The following C10orf143 variants were observed in gnomAD, a reference collection of about 807,000 sequenced individuals.
C10orf143 encodes the protein uncharacterized protein C10orf143.
intron 1 of C10orf143, among the ~76,000 whole-genome samples, chr10:130,087,412 A>G (rs549811850): frequency 1.3e-5 from 2 of 152,360 alleles, no homozygotes; most frequent in South Asian, 4.1e-4. Context: ...AGATCAAGTG[A>G]CCAGCATCCT....
rs955481476 is a variant in C10orf143, at chr10:130,048,676, C to T, written c.298-12706G>A. Among the ~76,000 whole-genome samples the T allele has an allele frequency of 1.4e-4, 22 of 152,172 alleles. No individual in the cohort carries two copies. The South Asian group carries it at 2.7e-3, about 19-fold the overall frequency. Reference sequence around the variant, plus strand: ...GTGCACCAAGTCTTCCTGTAGACCACGCAATGCAGAGGAAGCCATGAGCTT... The same window carrying T: ...GTGCACCAAGTCTTCCTGTAGACCATGCAATGCAGAGGAAGCCATGAGCTT... On this transcript the variant is annotated intron_variant and NMD_transcript_variant, in intron 3 of 5. Coordinates refer to the C10orf143 transcript ENST00000643056.
At chr10:130,050,899 A>G (rs928505750) in intron 3 of C10orf143, among the ~76,000 whole-genome samples, 1 of 152,156 alleles carries the variant, frequency 6.6e-6, no homozygotes, top group African/African-American at 2.4e-5. Context: ...CAGTGCCCCG[A>G]CTTCCTTGTC....
chr10:130,053,156 G>A (rs1294516177), intron 3 of C10orf143, among the ~76,000 whole-genome samples: 4 of 152,196 alleles, frequency 2.6e-5, no homozygotes, highest in Non-Finnish European at 5.9e-5. Flanking sequence ...CGACTCCAGG[G>A]TTCAGGCGAT....
At chr10:130,059,753 CAT>C (rs1860834404), downstream of C10orf143, among the ~76,000 whole-genome samples, 1 of 152,108 alleles carries the variant, frequency 6.6e-6, no homozygotes, top group African/African-American at 2.4e-5. Context: ...AAGATCCTTG[CAT>C]AGAGAGAGAT....
intron 3 of C10orf143, among the ~76,000 whole-genome samples, chr10:130,042,764 G>A (rs1395278352): frequency 6.6e-6 from 1 of 152,238 alleles, no homozygotes; most frequent in African/African-American, 2.4e-5. Flanking sequence ...GTGTGAGAAA[G>A]GTGGAAACTG....
downstream of C10orf143, among the ~76,000 whole-genome samples, chr10:130,061,429 T>C (rs1860856588): frequency 6.6e-6 from 1 of 152,228 alleles, no homozygotes; most frequent in Non-Finnish European, 1.5e-5. Context: ...GTTAACCACT[T>C]ACCATGCTTT....
At chr10:130,043,266 A>C (rs1240375837) in intron 3 of C10orf143, among the ~76,000 whole-genome samples, 1 of 152,220 alleles carries the variant, frequency 6.6e-6, no homozygotes, top group African/African-American at 2.4e-5. Context: ...GATCATCATT[A>C]CTTATAAACA....
chr10:130,041,195 C>T (rs1251890575), intron 3 of C10orf143, among the ~76,000 whole-genome samples: 1 of 152,236 alleles, frequency 6.6e-6, no homozygotes, highest in African/African-American at 2.4e-5. Context: ...AAGCAGCGAG[C>T]ACCTAAATAC....
At chr10:130,106,093 G>A in intron 1 of C10orf143, 1 of 621,852 alleles carries the variant, frequency 1.6e-6, no homozygotes. Flanking sequence ...GGCTGGTCCT[G>A]GGGGAGCCAC....
chr10:130,056,444 A>C lies in C10orf143; in HGVS notation c.298-20474T>G, dbSNP rs760590902. Among the ~76,000 whole-genome samples, 1 of 152,208 alleles carries C rather than the reference A, an allele frequency of 6.6e-6. No homozygotes were observed. Among genetic ancestry groups the C allele is most frequent in the Non-Finnish European group, 1.5e-5 (1 of 68,032 alleles). ...GTTCAGTGAATACCCCAGGACCTTC[A>C]TGTGGGTGACTGAGAACTCATACTT... On this transcript the variant is annotated intron_variant and NMD_transcript_variant, in intron 3 of 5. Coordinates refer to the C10orf143 transcript ENST00000643056. The surrounding 1 kb of genome is among the most constrained non-coding windows in gnomAD (Gnocchi z 4.6).
intron 3 of C10orf143, among the ~76,000 whole-genome samples, chr10:130,070,226 T>C (rs1363480511): frequency 1.3e-5 from 2 of 152,202 alleles, no homozygotes; most frequent in African/African-American, 4.8e-5. Flanking sequence ...GATCCTTCCA[T>C]TGTTACTGAT....
At chr10:130,082,690 C>A (rs575078065) in intron 1 of C10orf143, among the ~76,000 whole-genome samples, 5 of 152,126 alleles carry the variant, frequency 3.3e-5, no homozygotes, top group Non-Finnish European at 7.3e-5. Flanking sequence ...ACTTCTTTTT[C>A]TTTATAAATT....
intron 1 of C10orf143, among the ~76,000 whole-genome samples, chr10:130,108,811 TTAAA>T (rs1861709670): frequency 1.3e-5 from 2 of 152,334 alleles, no homozygotes; most frequent in African/African-American, 2.4e-5. Context: ...AACTTTATGC[TTAAA>T]TAAATTTTAG....
At chr10:130,092,898 G>A (rs1251085346) in intron 1 of C10orf143, among the ~76,000 whole-genome samples, 1 of 152,070 alleles carries the variant, frequency 6.6e-6, no homozygotes, top group East Asian at 1.9e-4. Context: ...CCCAATAGAG[G>A]AGCACCCAGA....
intron 3 of C10orf143, among the ~76,000 whole-genome samples, chr10:130,042,158 C>T (rs746185829): frequency 7.2e-5 from 11 of 152,234 alleles, no homozygotes; most frequent in African/African-American, 1.2e-4. Flanking sequence ...CTGTGGGCTT[C>T]ATGTGGGAAG....
intron 1 of C10orf143, chr10:130,107,240 A>G (rs559481794): frequency 7.9e-7 from 1 of 1,265,290 alleles, no homozygotes; most frequent in Admixed American, 1.7e-5. Context: ...CAGGAAATTA[A>G]CAGTAGAGGA....
In C10orf143 at chr10:130,090,044, A is replaced by G. The variant is rs527781719; in HGVS notation, c.70-10143T>C. The stretch of plus-strand genomic sequence containing the variant: ...ACCAAAAGAATGATCCCTAAAAGAA[A>G]CAAGTTGAAAATTTGGATTTCATCA... On this transcript the variant is annotated intron_variant, in intron 1 of 3. Coordinates refer to ENST00000637128, the MANE Select transcript of C10orf143 (RefSeq NM_001355042.2). Among the ~76,000 whole-genome samples, 3 of 152,354 alleles carry G rather than the reference A, an allele frequency of 2.0e-5. No homozygotes were observed. The South Asian group carries it at 6.2e-4, about 32-fold the overall frequency.
rs187371458 is a variant in C10orf143, at chr10:130,056,480, T to C, written c.298-20510A>G. 7.9e-5 allele frequency among the ~76,000 whole-genome samples: 12 copies of C among 152,266 alleles called. 1 individual carries two copies. Among genetic ancestry groups the C allele is most frequent in the African/African-American group, 2.6e-4 (11 of 41,548 alleles). On this transcript the variant is annotated intron_variant and NMD_transcript_variant, in intron 3 of 5. Transcript: ENST00000643056. This position sits in a 1 kb window ranked among gnomAD's most constrained non-coding sequence, Gnocchi z 4.6. ...TGAGAACTCATACTTGGCTGGTCCATAGTCAGTGAGAAATGAGGAAAAGAA... is the reference window on the plus strand; with the variant it reads ...TGAGAACTCATACTTGGCTGGTCCACAGTCAGTGAGAAATGAGGAAAAGAA...
At chr10:130,057,619 C>T (rs1323111084) in intron 3 of C10orf143, among the ~76,000 whole-genome samples, 1 of 140,358 alleles carries the variant, frequency 7.1e-6, no homozygotes, top group Non-Finnish European at 1.5e-5. Context: ...AGCCTCTCCA[C>T]GAGGCCTGTG....
Sources: gnomAD v4.1 joint callset for allele counts (sites outside exome capture counted in the v4.1 genomes callset) on GRCh38, gnomAD v4.1.1 for gene constraint, Gnocchi (gnomAD v3.1) non-coding constraint, MANE v1.5 for transcripts, NCBI Gene and HGNC (gene_info 2026-07-23, HGNC 2026-07-21) for gene names.